The following OR10R2 variants were observed in gnomAD, a reference collection of about 807,000 sequenced individuals.
OR10R2 encodes the protein olfactory receptor 10R2.
Under a neutral mutation model 2.4 loss-of-function variants are expected in OR10R2, and 1 was observed. The ratio of observed to expected loss-of-function variants is 0.41; its 90% CI spans 0.15 to 1.95. The LOEUF is 1.95. OR10R2 is among the 30% of genes most tolerant of loss of function. The pLI, the probability that OR10R2 is intolerant of heterozygous loss-of-function variation, is 0.30. For synonymous variants in OR10R2, 166 were observed against 144.8 expected (o/e 1.15, Z -1.05); for missense variants, 419 against 373.0 (o/e 1.12, Z -1.01).
exon 1 of OR10R2, chr1:158,472,322 C>T (rs1656181162): frequency 2.5e-6 from 1 of 398,980 alleles, no homozygotes. Context: ...ACAGAAGAGG[C>T]ACAATGACCA....
chr1:158,474,619 A>G (rs757356601), intron 1 of OR10R2: 10 of 152,212 alleles, frequency 6.6e-5, no homozygotes, highest in Non-Finnish European at 1.0e-4. Flanking sequence ...AGATGTTATG[A>G]ATCAGTTGGT....
At chr1:158,479,857 C>A in intron 1 of OR10R2, 81 bp from the exon 2 acceptor site, 2 of 1,453,366 alleles carry the variant, frequency 1.4e-6, no homozygotes, top group Non-Finnish European at 1.9e-6. Context: ...TTGTCACCAC[C>A]TGAAAGGAAC....
intron 1 of OR10R2, among the ~76,000 whole-genome samples, chr1:158,478,971 A>G (rs1248542867): frequency 6.6e-6 from 1 of 152,146 alleles, no homozygotes; most frequent in Non-Finnish European, 1.5e-5. Flanking sequence ...AAATGTGTTT[A>G]TGGTTATTTT....
At chr1:158,474,853 A>C (rs943166178) in intron 1 of OR10R2, among the ~76,000 whole-genome samples, 1 of 152,128 alleles carries the variant, frequency 6.6e-6, no homozygotes, top group Non-Finnish European at 1.5e-5. Flanking sequence ...ACCTAATTTG[A>C]TTCTATAACC....
At chr1:158,478,104 T>G (rs1263679584) in intron 1 of OR10R2, among the ~76,000 whole-genome samples, 2 of 152,172 alleles carry the variant, frequency 1.3e-5, no homozygotes, top group African/African-American at 4.8e-5. Context: ...GCTAGCCATC[T>G]GCAGAAGAGG....
chr1:158,475,115 T>A (rs1010850004), intron 1 of OR10R2, among the ~76,000 whole-genome samples: 1 of 152,094 alleles, frequency 6.6e-6, no homozygotes, highest in South Asian at 2.1e-4. Flanking sequence ...AAGGTTACAG[T>A]CACCCAATGG....
chr1:158,480,239 T>C, exon 2 of OR10R2: 2 of 1,614,086 alleles, frequency 1.2e-6, no homozygotes, highest in Non-Finnish European at 1.7e-6. Context: ...GCTCTTCAAA[T>C]GTTCTTCTTC....
intron 1 of OR10R2, among the ~76,000 whole-genome samples, chr1:158,473,463 A>G (rs565590369): frequency 6.6e-5 from 10 of 152,202 alleles, no homozygotes; most frequent in Non-Finnish European, 8.8e-5. Context: ...AGATTTAGTA[A>G]TGTATACAAT....
At chr1:158,474,390 AT>A (rs1656232570) in intron 1 of OR10R2, 1 of 152,244 alleles carries the variant, frequency 6.6e-6, no homozygotes, top group African/African-American at 2.4e-5. Context: ...CCTACTTTGA[AT>A]AAATTTGTTT....
chr1:158,479,037 G>A (rs939762638), intron 1 of OR10R2, among the ~76,000 whole-genome samples: 7 of 152,070 alleles, frequency 4.6e-5, no homozygotes, highest in Non-Finnish European at 8.8e-5. Context: ...TTATCAGCCT[G>A]AGAATGCAAA....
chr1:158,475,589 G>T (rs537494793), intron 1 of OR10R2, among the ~76,000 whole-genome samples: 1 of 151,582 alleles, frequency 6.6e-6, no homozygotes, highest in South Asian at 2.1e-4. Flanking sequence ...TTCAAAGTTT[G>T]TTATTTTCTC....
At chr1:158,479,856 C>T in intron 1 of OR10R2, 82 bp from the exon 2 acceptor site, 1 of 1,434,966 alleles carries the variant, frequency 7.0e-7, no homozygotes, top group Non-Finnish European at 9.6e-7. Flanking sequence ...TTTGTCACCA[C>T]CTGAAAGGAA....
At chr1:158,480,611 T>A in exon 2 of OR10R2, 1 of 1,613,656 alleles carries the variant, frequency 6.2e-7, no homozygotes, top group South Asian at 1.1e-5. Context: ...CTGAGGACTA[T>A]CCTGAAGATT....
intron 1 of OR10R2, among the ~76,000 whole-genome samples, chr1:158,479,325 C>G (rs1292724292): frequency 6.6e-6 from 1 of 151,972 alleles, no homozygotes; most frequent in Admixed American, 6.6e-5. Context: ...CAGAATTGCT[C>G]TTTATTTTAT....
exon 2 of OR10R2, chr1:158,480,283 G>A (rs370522275): frequency 2.5e-6 from 4 of 1,613,896 alleles, no homozygotes; most frequent in Non-Finnish European, 3.4e-6. Flanking sequence ...CCTGCTATTG[G>A]GTGTGATGGG....
At chr1:158,475,989 TG>T (rs1656260955) in intron 1 of OR10R2, among the ~76,000 whole-genome samples, 1 of 152,140 alleles carries the variant, frequency 6.6e-6, no homozygotes, top group African/African-American at 2.4e-5. Flanking sequence ...ATTAAATTTT[TG>T]TTTAGGTAAA....
At chr1:158,479,550 C>T (rs1223857000) in intron 1 of OR10R2, among the ~76,000 whole-genome samples, 1 of 151,802 alleles carries the variant, frequency 6.6e-6, no homozygotes, top group East Asian at 1.9e-4. Context: ...TAATGAGCTC[C>T]CAAAGATGTC....
chr1:158,478,205 A>G (rs1013991052), intron 1 of OR10R2, among the ~76,000 whole-genome samples: 1 of 152,236 alleles, frequency 6.6e-6, no homozygotes, highest in Non-Finnish European at 1.5e-5. Context: ...TAAAAATCCT[A>G]GACGAAAACC....
At chr1:158,473,961 TTC>T (rs1459969126) in intron 1 of OR10R2, among the ~76,000 whole-genome samples, 1 of 150,430 alleles carries the variant, frequency 6.6e-6, no homozygotes, top group East Asian at 2.0e-4. Context: ...CTTTCTTTCT[TTC>T]TTTTTCTTTT....
Sources: gnomAD v4.1 joint callset for allele counts (sites outside exome capture counted in the v4.1 genomes callset) on GRCh38, gnomAD v4.1.1 for gene constraint, MANE v1.5 for transcripts, NCBI Gene and HGNC (gene_info 2026-07-23, HGNC 2026-07-21) for gene names.